Variants in NREP observed in about 807,000 individuals in gnomAD.
NREP encodes the protein neuronal regeneration related protein, also known as neuronal regeneration-related protein.
In NREP, 5 loss-of-function variants were observed where a neutral mutation model predicts 8.6. The ratio of observed to expected loss-of-function variants is 0.58; its 90% CI spans 0.30 to 1.22. The LOEUF is 1.22. Among genes scored for constraint, NREP ranks in the 50% most tolerant of loss-of-function variants. The pLI is 0.07. For missense variants in NREP, 86 were observed against 82.5 expected (o/e 1.04, Z -0.17); for synonymous variants, 27 against 28.0 (o/e 0.96, Z 0.11).
At chr5:111,875,887 C>T (rs761770066) in intron 2 of NREP, among the ~76,000 whole-genome samples, 4 of 152,106 alleles carry the variant, frequency 2.6e-5, no homozygotes, top group Non-Finnish European at 5.9e-5. Context: ...TAGCTCTCTC[C>T]TACAGAGAGG....
intron 2 of NREP, chr5:111,739,553 A>G (rs895268493): frequency 6.6e-6 from 1 of 152,226 alleles, no homozygotes; most frequent in African/African-American, 2.4e-5. Flanking sequence ...CCATCTATCT[A>G]GAGTCCATCT....
At chr5:111,970,850 GAA>G (rs1244007179) in intron 2 of NREP, among the ~76,000 whole-genome samples, 3 of 101,704 alleles carry the variant, frequency 2.9e-5, no homozygotes, top group Non-Finnish European at 6.1e-5. Context: ...AAAAAAAAAA[GAA>G]AGAAGAAAAA....
chr5:111,928,478 G>A (rs1335949431), intron 2 of NREP, among the ~76,000 whole-genome samples: 12 of 152,194 alleles, frequency 7.9e-5, no homozygotes, highest in Middle Eastern at 3.4e-3. Context: ...GTGAATCTAC[G>A]TCCCTGTGCT....
intron 2 of NREP, among the ~76,000 whole-genome samples, chr5:111,959,226 T>G (rs1756415961): frequency 6.6e-6 from 1 of 151,968 alleles, no homozygotes; most frequent in South Asian, 2.1e-4. Flanking sequence ...TACTCTAACT[T>G]ACTCTGTGAG....
chr5:111,734,597 T>C (rs1748930227), intron 3 of NREP: 8 of 490,238 alleles, frequency 1.6e-5, no homozygotes, highest in Middle Eastern at 4.5e-4. Flanking sequence ...TAGGGAATTG[T>C]TGATACTATT....
intron 2 of NREP, among the ~76,000 whole-genome samples, chr5:111,855,717 A>G (rs1415509429): frequency 6.6e-6 from 1 of 152,152 alleles, no homozygotes. Flanking sequence ...ATATTTAAGA[A>G]GCAAAAGACC....
chr5:111,884,608 T>A (rs1754187128), intron 2 of NREP, among the ~76,000 whole-genome samples: 1 of 149,506 alleles, frequency 6.7e-6, no homozygotes, highest in African/African-American at 2.4e-5. Context: ...CAGCAGCACA[T>A]CAAAAAGCTT....
chr5:111,945,323 GC>G (rs1041507769), intron 2 of NREP, among the ~76,000 whole-genome samples: 14 of 151,838 alleles, frequency 9.2e-5, no homozygotes, highest in African/African-American at 3.4e-4. Context: ...GGGTACATGT[GC>G]ACAACGTGCA....
chr5:111,809,464 G>A lies in NREP; in HGVS notation c.136-73957C>T, dbSNP rs187072288. On this transcript the variant is annotated intron_variant, in intron 2 of 3. Coordinates refer to the NREP transcript ENST00000395634. ...GTTAGTGGCAGGTATTTAGGTCATG[G>A]GGACAGATTCCTCATGAATGGCTCA... 7.6e-3 allele frequency among the ~76,000 whole-genome samples: 1,158 copies of A among 152,274 alleles called. 20 individuals are homozygous for A. The highest frequency in any genetic ancestry group is 0.027 in the African/African-American group (1,103 of 41,552).
At chr5:111,752,238 T>C (rs959901856) in intron 2 of NREP, among the ~76,000 whole-genome samples, 1 of 152,196 alleles carries the variant, frequency 6.6e-6, no homozygotes, top group African/African-American at 2.4e-5. Flanking sequence ...TATTCTAAGA[T>C]TGCTGCTCAA....
At chr5:111,878,717 C>T (rs563552877) in intron 2 of NREP, among the ~76,000 whole-genome samples, 83 of 152,244 alleles carry the variant, frequency 5.5e-4, no homozygotes, top group Non-Finnish European at 8.5e-4. Flanking sequence ...GGTAAGAGGT[C>T]GACAGTCAGA....
At chr5:111,944,715 C>T (rs1056723182) in intron 2 of NREP, among the ~76,000 whole-genome samples, 1 of 152,108 alleles carries the variant, frequency 6.6e-6, no homozygotes, top group Non-Finnish European at 1.5e-5. Context: ...TATCAAAGAT[C>T]ACTTTGATTA....
At chr5:111,927,942 A>C (rs188374143) in intron 2 of NREP, among the ~76,000 whole-genome samples, 3 of 152,162 alleles carry the variant, frequency 2.0e-5, no homozygotes, top group African/African-American at 7.2e-5. Flanking sequence ...TTACAATAGG[A>C]TGGACTGTGA....
intron 2 of NREP, among the ~76,000 whole-genome samples, chr5:111,880,669 T>A (rs926214270): frequency 9.2e-5 from 14 of 151,672 alleles, no homozygotes; most frequent in African/African-American, 3.4e-4. Context: ...GGTTAGGACT[T>A]AACATATGAA....
chr5:111,864,922 C>T (rs1222498993), intron 2 of NREP, among the ~76,000 whole-genome samples: 1 of 152,020 alleles, frequency 6.6e-6, no homozygotes, highest in Non-Finnish European at 1.5e-5. Flanking sequence ...CTAGTGTAGG[C>T]AAAGAAATAC....
In NREP at chr5:111,920,770, C is replaced by T. The variant is rs373539277; in HGVS notation, c.135+54504G>A. On this transcript the variant is annotated intron_variant, in intron 2 of 3. Coordinates refer to the NREP transcript ENST00000395634. ...ATGTTCCTTATCTCTTCCTACTGCA[C>T]ATTTATAAAAAAGGCGGGGCAGAAC... is the stretch of plus-strand genomic sequence containing the variant. Among the ~76,000 whole-genome samples the T allele has an allele frequency of 3.3e-5, 5 of 152,232 alleles. No individual in the cohort carries two copies. In the South Asian group the frequency reaches 1.0e-3, roughly 32 times the overall value.
intron 2 of NREP, among the ~76,000 whole-genome samples, chr5:111,849,927 T>A (rs905821232): frequency 1.3e-5 from 2 of 152,118 alleles, no homozygotes; most frequent in African/African-American, 4.8e-5. Flanking sequence ...GGAAGCCCAG[T>A]GCCAAGGAAG....
chr5:111,819,916 G>T (rs1427332632), intron 2 of NREP, among the ~76,000 whole-genome samples: 1 of 152,032 alleles, frequency 6.6e-6, no homozygotes, highest in Non-Finnish European at 1.5e-5. Context: ...CTTATTAATT[G>T]GTAAGTCTTG....
At chr5:111,734,910 T>G (rs1748964637) in intron 3 of NREP, 1 of 432,778 alleles carries the variant, frequency 2.3e-6, no homozygotes, top group South Asian at 6.4e-5. Context: ...ATTTTACAAA[T>G]TTTCTTGAGG....
Sources: allele counts gnomAD v4.1 joint callset (sites outside exome capture counted in the v4.1 genomes callset), GRCh38; gene constraint gnomAD v4.1.1; transcripts MANE v1.5; gene names NCBI Gene and HGNC (gene_info 2026-07-23, HGNC 2026-07-21).